THBS2: variants seen among roughly 807,000 people sequenced by gnomAD.
The protein encoded by THBS2 is thrombospondin 2.
A neutral mutation model predicts 135.2 loss-of-function variants in THBS2; 47 were observed. The ratio of observed to expected loss-of-function variants is 0.35; its 90% confidence interval spans 0.28 to 0.44. The LOEUF is 0.44. THBS2 is among the 20% of genes least tolerant of loss of function. The probability of loss-of-function intolerance (pLI) is 1.00; values close to 1 mark genes in which losing one functional copy is unlikely to be tolerated. For synonymous variants in THBS2, 639 were observed against 633.8 expected (o/e 1.01, Z -0.12); for missense variants, 1,288 against 1,603.1 (o/e 0.80, Z 3.36).
At position 169,234,082 on chromosome 6, in the gene THBS2, G is replaced by A. The variant is rs118143771; in HGVS notation, c.1651+652C>T. On this transcript the variant is annotated intron_variant, in intron 10 of 21. Coordinates refer to ENST00000617924, the MANE Select transcript of THBS2 (RefSeq NM_003247.5). Reference sequence around the variant, plus strand: ...CTGCCCATGCACCATGTTCCACACCGCACAACTACCTACACACCATGTTTC... The same window carrying A: ...CTGCCCATGCACCATGTTCCACACCACACAACTACCTACACACCATGTTTC... 3.6e-3 allele frequency among the ~76,000 whole-genome samples: 535 copies of A among 148,276 alleles called. 15 individuals carry two copies. Among genetic ancestry groups the A allele is most frequent in the East Asian group, 0.035 (174 of 5,024 alleles).
intron 2 of THBS2, among the ~76,000 whole-genome samples, chr6:169,249,910 G>A (rs1562366265): frequency 6.6e-6 from 1 of 151,966 alleles, no homozygotes; most frequent in South Asian, 2.1e-4. Context: ...GGCGCTTGTA[G>A]TCCCAGCTAC....
chr6:169,227,482 A>G (rs1273158530), intron 15 of THBS2, among the ~76,000 whole-genome samples: 2 of 152,176 alleles, frequency 1.3e-5, no homozygotes, highest in Non-Finnish European at 2.9e-5. Context: ...AAAACATGAA[A>G]TGGCTTCTTG....
intron 19 of THBS2, 112 bp from the exon 20 acceptor site, chr6:169,221,639 C>T: frequency 1.2e-6 from 1 of 834,762 alleles, no homozygotes; most frequent in East Asian, 2.5e-5. Flanking sequence ...ATGCTTAAGG[C>T]TCATGGTGCT....
intron 4 of THBS2, among the ~76,000 whole-genome samples, chr6:169,242,815 C>A (rs866508390): frequency 1.9e-5 from 1 of 51,586 alleles, no homozygotes; most frequent in African/African-American, 9.5e-5. Flanking sequence ...ACCTTCCCAC[C>A]ACTCCCACCT....
chr6:169,242,631 A>ACCGCTC (rs1487737607), intron 4 of THBS2, among the ~76,000 whole-genome samples: 1 of 20,612 alleles, frequency 4.9e-5, no homozygotes, highest in South Asian at 2.0e-3. Flanking sequence ...CCACCTTCCC[A>ACCGCTC]CCACTCCCAC....
chr6:169,220,160 A>G, intron 21 of THBS2, 38 bp downstream of exon 21: 1 of 1,600,886 alleles, frequency 6.2e-7, no homozygotes, highest in East Asian at 2.2e-5. Context: ...TCTGGGTGCC[A>G]CATGCCTTCC....
chr6:169,225,538 C>T lies in THBS2; in HGVS notation c.2539-159G>A, dbSNP rs550865717. On this transcript the variant is annotated intron_variant, in intron 16 of 21. Coordinates refer to ENST00000617924, the MANE Select transcript of THBS2 (RefSeq NM_003247.5). ...TGGCCCGAGGTCACACTGACCCTGACGTCAGGACAAGCACTGGGGCCAGGC... is the reference window on the plus strand; with the variant it reads ...TGGCCCGAGGTCACACTGACCCTGATGTCAGGACAAGCACTGGGGCCAGGC... 1.1e-4 allele frequency among the ~76,000 whole-genome samples: 17 copies of T among 152,310 alleles called. No individual in the cohort carries two copies. In the South Asian group the frequency reaches 1.7e-3, roughly 15 times the overall value.
chr6:169,228,351 T>A (rs976878869), intron 14 of THBS2, 70 bp from the exon 15 acceptor site: 4 of 1,550,704 alleles, frequency 2.6e-6, no homozygotes, highest in Non-Finnish European at 2.6e-6. Context: ...TTAGCACTTA[T>A]AAGTTATGTA....
intron 9 of THBS2, among the ~76,000 whole-genome samples, chr6:169,236,301 C>T (rs1161099470): frequency 0.025 from 2,332 of 93,372 alleles, no homozygotes; most frequent in East Asian, 0.09. Flanking sequence ...TTCCCATCCA[C>T]AGTCACTCCC....
Position 169,234,860 on chromosome 6 carries a change from T to A in THBS2, c.1525A>T (p.Thr509Ser). Residue 509 changes from threonine (T) to serine (S), a missense_variant, in exon 10 of 22, where the codon ACC (threonine) becomes TCC (serine). Physicochemically the swap from Thr to Ser is moderately conservative, Grantham distance 58 (BLOSUM62 1). Transcript: ENST00000617924. ...CGCTCCCGGATCCCACCGGCACAGG[T>A]GACAGTGCAGGCCGACCACGGGGAC... is the stretch of plus-strand genomic sequence containing the variant. ...PWSPWSACTV[T>S]CAGGIRERTR... The A allele has an allele frequency of 1.2e-6, 2 of 1,612,600 alleles. No individual in the cohort carries two copies. Among genetic ancestry groups the A allele is most frequent in the Non-Finnish European group, 1.7e-6 (2 of 1,179,534 alleles).
intron 13 of THBS2, among the ~76,000 whole-genome samples, chr6:169,230,728 C>T (rs550066516): frequency 1.6e-4 from 25 of 152,284 alleles, no homozygotes; most frequent in Admixed American, 4.6e-4. Context: ...GCAGCACGGA[C>T]TCAGCTGCAG....
At position 169,222,437 on chromosome 6, in the gene THBS2, A is replaced by G; in HGVS notation, c.3033T>C (p.Ser1011=). The G allele has an allele frequency of 6.2e-7, 1 of 1,613,754 alleles. No individual in the cohort carries two copies. Among genetic ancestry groups the G allele is most frequent in the Non-Finnish European group, 8.5e-7 (1 of 1,180,014 alleles). ...GGTCAGTGTTTACGTAGAATGTGCC[A>G]CTGAAGTCCACAGACCCAAACTCGT... ...GFDEFGSVDF[S]GTFYVNTDRD... Residue 1011 remains serine (S), a synonymous_variant, in exon 19 of 22, where the codon AGT becomes AGC. Coordinates refer to ENST00000617924, the MANE Select transcript of THBS2 (RefSeq NM_003247.5).
At chr6:169,219,844 T>C in intron 21 of THBS2, 1 of 551,088 alleles carries the variant, frequency 1.8e-6, no homozygotes, top group Non-Finnish European at 3.5e-6. Context: ...CTTCTTTCCT[T>C]CCTGCCTGCC....
chr6:169,226,003 T>C (rs893630519), intron 16 of THBS2, among the ~76,000 whole-genome samples, 177 bp downstream of exon 16: 1 of 152,208 alleles, frequency 6.6e-6, no homozygotes, highest in Non-Finnish European at 1.5e-5. Context: ...CATGGAAAAC[T>C]CCCAAGGCCC....
chr6:169,241,971 G>A lies in THBS2; in HGVS notation c.695-13C>T, dbSNP rs372557657. 36 of 1,598,550 alleles carry A rather than the reference G, an allele frequency of 2.3e-5. No individual in the cohort carries two copies. Among genetic ancestry groups the A allele is most frequent in the East Asian group, 2.0e-4 (9 of 44,524 alleles). ...GCGTTGATCTCAGCTGAGGGCAAGC[G>A]TAGAAGGGCCGTGAGCATCACAGAG... On this transcript the variant is annotated splice_polypyrimidine_tract_variant and intron_variant, in intron 4 of 21. Transcript: ENST00000617924. This position sits in a 1 kb window ranked among gnomAD's most constrained non-coding sequence, Gnocchi z 5.5.
In THBS2 at chr6:169,225,174, A is replaced by G. The variant is rs1779579166; in HGVS notation, c.2744T>C (p.Val915Ala). 1 of 1,614,082 alleles carries G rather than the reference A, an allele frequency of 6.2e-7. No homozygotes were observed. Among genetic ancestry groups the G allele is most frequent in the Admixed American group, 1.7e-5 (1 of 60,000 alleles). ...CAAGTCCTCCTGGTCTGGGTTGAAC[A>G]CAAGCCGGCAGTTGTCCCTGTCATC... ...VPDDRDNCRL[V>A]FNPDQEDLDG... Residue 915 changes from valine to alanine, a missense_variant, in exon 17 of 22, where the codon GTG (valine) becomes GCG (alanine). By Grantham distance (64) the Val-to-Ala change is moderately conservative (BLOSUM62 0). Around this residue, in one of 2 missense-constraint regions of THBS2, gnomAD observed 874 missense variants for 1,156.1 expected, o/e 0.76. Transcript: ENST00000617924.
At chr6:169,228,352 A>C in intron 14 of THBS2, 71 bp from the exon 15 acceptor site, 1 of 1,551,574 alleles carries the variant, frequency 6.4e-7, no homozygotes, top group Non-Finnish European at 8.8e-7. Flanking sequence ...TAGCACTTAT[A>C]AGTTATGTAC....
chr6:169,222,068 A>C lies in THBS2; in HGVS notation c.3273+129T>G, dbSNP rs1779447596. 33 of 1,126,700 alleles carry C rather than the reference A, an allele frequency of 2.9e-5. No individual in the cohort carries two copies. The South Asian group carries it at 5.2e-4, about 18-fold the overall frequency. The allele number at this position is 1,126,700 out of a possible 1,614,324, so 69.8% of individuals were successfully genotyped here. ...GTCTATAATAAAGTAAGATTATTAA[A>C]ATAACTGTGCCTGGAGTTAAAATTA... On this transcript the variant is annotated intron_variant, in intron 19 of 21. Transcript: ENST00000617924.
At position 169,221,419 on chromosome 6, in the gene THBS2, C is replaced by T; in HGVS notation, c.3371+11G>A. ...CTTGGAAGAAATGCAGCTGTGCTGACCTGCCCTCACCTGATGTAGCCAGTC... is the reference window on the plus strand; with the variant it reads ...CTTGGAAGAAATGCAGCTGTGCTGATCTGCCCTCACCTGATGTAGCCAGTC... On this transcript the variant is annotated intron_variant, in intron 20 of 21. Coordinates refer to ENST00000617924, the MANE Select transcript of THBS2 (RefSeq NM_003247.5). 1 of 1,613,382 alleles carries T rather than the reference C, an allele frequency of 6.2e-7. No individual in the cohort carries two copies. Among genetic ancestry groups the T allele is most frequent in the Non-Finnish European group, 8.5e-7 (1 of 1,179,508 alleles).
Sources: gnomAD v4.1 joint callset for allele counts (sites outside exome capture counted in the v4.1 genomes callset) on GRCh38, gnomAD v4.1.1 for gene constraint, gnomAD v4.1.1 regional missense constraint, Gnocchi (gnomAD v3.1) non-coding constraint, MANE v1.5 for transcripts, NCBI Gene and HGNC (gene_info 2026-07-23, HGNC 2026-07-21) for gene names.